Variants in CFAP47 observed in about 807,000 individuals in gnomAD.
CFAP47 encodes the protein cilia and flagella associated protein 47, also known as cilia- and flagella-associated protein 47.
In CFAP47, 29 loss-of-function variants were observed where a neutral mutation model predicts 148.1. The observed-to-expected ratio is 0.20, with a 90% confidence interval of 0.15 to 0.27. The LOEUF is 0.27. CFAP47 is among the 10% of genes least tolerant of loss of function. The pLI is 1.00. For missense variants in CFAP47, 1,872 were observed against 1,697.5 expected, an observed-to-expected ratio of 1.10 and a Z score of -1.81; for synonymous variants, 664 against 577.3, an observed-to-expected ratio of 1.15 and a Z score of -2.15.
At chrX:36,255,242 G>A (rs1555998817) in intron 49 of CFAP47, among the ~76,000 whole-genome samples, 2 of 112,563 alleles carry the variant, frequency 1.8e-5, no homozygotes, top group Non-Finnish European at 1.9e-5. Flanking sequence ...TGCTGTAACA[G>A]GTTGAGTTTC....
intron 30 of CFAP47, among the ~76,000 whole-genome samples, chrX:36,087,123 C>T (rs1028872816): frequency 8.9e-6 from 1 of 111,809 alleles, no homozygotes; most frequent in Admixed American, 9.5e-5. Flanking sequence ...TCGTGTAAGC[C>T]CAAATCCAGC....
chrX:36,116,396 C>A (rs958864305), intron 33 of CFAP47, among the ~76,000 whole-genome samples: 1 of 112,177 alleles, frequency 8.9e-6, no homozygotes, highest in Admixed American at 9.5e-5. Context: ...GACATGATTT[C>A]ATTCTTTTTA....
rs950792655 is a variant in CFAP47, at chrX:36,171,437, C to T, written c.6027-7908C>T. Among the ~76,000 whole-genome samples, 9 of 108,275 alleles carry T rather than the reference C, an allele frequency of 8.3e-5. No homozygotes were observed. The East Asian group carries it at 1.5e-3, about 18-fold the overall frequency. 94.0% of individuals were successfully genotyped at this position (108,275 alleles called of 115,157 possible). A position where few individuals can be genotyped will look rare whatever the true frequency, so the allele number is the denominator to read the frequency against. On this transcript the variant is annotated intron_variant, in intron 39 of 63. Transcript: ENST00000378653. ...AGGGTTGTTATGGTTTTAGGTCTAA[C>T]GTTTAAGTCTTTAATCCATCTTGAA... is the stretch of plus-strand genomic sequence containing the variant.
At chrX:36,077,497 A>T (rs1402426678) in intron 29 of CFAP47, among the ~76,000 whole-genome samples, 2 of 108,004 alleles carry the variant, frequency 1.9e-5, no homozygotes, top group African/African-American at 6.7e-5. Context: ...CCTTGGTCAG[A>T]TGTATTATTA....
intron 25 of CFAP47, among the ~76,000 whole-genome samples, chrX:36,039,658 G>C (rs1415526306): frequency 8.9e-6 from 1 of 111,791 alleles, no homozygotes; most frequent in Non-Finnish European, 1.9e-5. Flanking sequence ...CTTCCTCCAA[G>C]CTCTCAAGTT....
intron 42 of CFAP47, among the ~76,000 whole-genome samples, chrX:36,199,023 C>G (rs974828954): frequency 8.9e-6 from 1 of 112,015 alleles, no homozygotes; most frequent in Non-Finnish European, 1.9e-5. Context: ...CCAAAGATAT[C>G]CTTGCTATAA....
At position 35,971,729 on chromosome X, in the gene CFAP47, C is replaced by G; in HGVS notation, c.2114C>G (p.Thr705Ser). 1 of 1,210,897 alleles carries G rather than the reference C, an allele frequency of 8.3e-7. No homozygotes were observed. Among genetic ancestry groups the G allele is most frequent in the Non-Finnish European group, 1.1e-6 (1 of 895,101 alleles). ...NSIRANRLLT[T>S]RGIASQEEES... ...ATTAGAGCGAATCGATTGTTAACCA[C>G]CAGGGGTATAGCATCTCAGGAGGAA... The change falls in exon 12 of 64, where the codon ACC (threonine) becomes AGC (serine). Residue 705 changes from threonine to serine, a missense_variant. Physicochemically the swap from Thr to Ser is moderately conservative, Grantham distance 58. Transcript: ENST00000378653.
chrX:36,348,114 T>C lies in CFAP47; in HGVS notation c.8444-15T>C, dbSNP rs782537835. ...ATATTTACCATATTAAAAATTATTT[T>C]TGTGTGTTTTACAGGAATTGCACTG... is the stretch of plus-strand genomic sequence containing the variant. On this transcript the variant is annotated splice_polypyrimidine_tract_variant and intron_variant, in intron 57 of 63. Transcript: ENST00000378653. 9 of 941,371 alleles carry C rather than the reference T, an allele frequency of 9.6e-6. No homozygotes were observed. Among genetic ancestry groups the C allele is most frequent in the Middle Eastern group, 2.8e-4 (1 of 3,521 alleles). 77.6% of individuals were successfully genotyped at this position (941,371 alleles called of 1,213,427 possible).
chrX:35,923,653 C>A (rs186822783), intron 1 of CFAP47, among the ~76,000 whole-genome samples: 1 of 109,045 alleles, frequency 9.2e-6, no homozygotes, highest in Non-Finnish European at 1.9e-5. Flanking sequence ...AACCCCGTCT[C>A]TATTAAAAAT....
At chrX:36,120,000 CT>C (rs1175886669) in intron 33 of CFAP47, among the ~76,000 whole-genome samples, 97 of 99,924 alleles carry the variant, frequency 9.7e-4, no homozygotes, top group South Asian at 1.3e-3. Context: ...AACACATCAG[CT>C]TTTTTTTTTT....
At chrX:36,275,184 T>TCAA (rs1273003576) in intron 49 of CFAP47, among the ~76,000 whole-genome samples, 1 of 110,264 alleles carries the variant, frequency 9.1e-6, no homozygotes, top group Non-Finnish European at 1.9e-5. Flanking sequence ...CCTCCCAGGC[T>TCAA]CAAGTGATTC....
intron 21 of CFAP47, among the ~76,000 whole-genome samples, chrX:36,005,242 T>C (rs755293904): frequency 9.0e-6 from 1 of 111,520 alleles, no homozygotes; most frequent in African/African-American, 3.2e-5. Context: ...TTTGATTTGA[T>C]CTTCTATTCT....
chrX:36,267,477 C>CTTTTTTTTTTTTTTTTTT (rs1206035626), intron 49 of CFAP47, among the ~76,000 whole-genome samples: 1 of 82,131 alleles, frequency 1.2e-5, no homozygotes, highest in Non-Finnish European at 2.3e-5. Context: ...GGTTCATGTT[C>CTTTTTTTTTTTTTTTTTT]TTTTTTTTTT....
At chrX:36,150,888 G>A (rs1240054829) in intron 37 of CFAP47, among the ~76,000 whole-genome samples, 1 of 111,834 alleles carries the variant, frequency 8.9e-6, no homozygotes, top group Admixed American at 9.6e-5. Context: ...TAATAAAATA[G>A]TTAAATTTCT....
intron 56 of CFAP47, among the ~76,000 whole-genome samples, chrX:36,318,993 G>T (rs782554700): frequency 9.0e-6 from 1 of 111,436 alleles, no homozygotes; most frequent in Admixed American, 9.6e-5. Flanking sequence ...AAGAATTTAT[G>T]AGTTTATTTT....
chrX:36,169,671 T>G (rs373167252), intron 39 of CFAP47, among the ~76,000 whole-genome samples: 1 of 111,545 alleles, frequency 9.0e-6, no homozygotes, highest in East Asian at 2.8e-4. Context: ...GACACATCAT[T>G]GTATCTCATA....
At chrX:36,331,479 T>C (rs922352964) in intron 57 of CFAP47, among the ~76,000 whole-genome samples, 2 of 111,313 alleles carry the variant, frequency 1.8e-5, no homozygotes, top group Admixed American at 1.9e-4. Context: ...TGAGTTATAA[T>C]AGCACATTTT....
intron 45 of CFAP47, among the ~76,000 whole-genome samples, chrX:36,218,445 A>G (rs1020714837): frequency 8.9e-6 from 1 of 111,978 alleles, no homozygotes; most frequent in African/African-American, 3.2e-5. Flanking sequence ...AGCCATTTAC[A>G]TGTATCCTAT....
intron 4 of CFAP47, 130 bp downstream of exon 4, chrX:35,948,582 T>A: frequency 2.0e-6 from 1 of 512,191 alleles, no homozygotes. Flanking sequence ...ATTGAGTCTC[T>A]ACTATTTGCC....
Sources: gnomAD v4.1 joint callset for allele counts (sites outside exome capture counted in the v4.1 genomes callset) on GRCh38, gnomAD v4.1.1 for gene constraint, MANE v1.5 for transcripts, NCBI Gene and HGNC (gene_info 2026-07-23, HGNC 2026-07-21) for gene names.